The following MARCHF6 variants were observed in gnomAD, a reference collection of about 807,000 sequenced individuals.
MARCHF6 encodes E3 ubiquitin-protein ligase MARCHF6.
A neutral mutation model predicts 133.7 loss-of-function variants in MARCHF6; 31 were observed. The ratio of observed to expected loss-of-function variants is 0.23; its 90% CI spans 0.17 to 0.31. MARCHF6 has a LOEUF of 0.31. Ranked by LOEUF, MARCHF6 falls within the 10% of genes least tolerant of loss-of-function variation. The pLI is 1.00. For missense variants in MARCHF6, 723 were observed against 1,121.6 expected, an observed-to-expected ratio of 0.64 and a Z score of 5.08; for synonymous variants, 395 against 402.5, an observed-to-expected ratio of 0.98 and a Z score of 0.22.
rs893277438 is a variant in MARCHF6 at position 10,353,745 on chromosome 5, C to T, written c.-154C>T. On this transcript the variant is annotated 5_prime_UTR_variant, in exon 1 of 26. Coordinates refer to ENST00000274140, the MANE Select transcript of MARCHF6 (RefSeq NM_005885.4). Reference sequence around the variant, plus strand: ...CGCTCGCTTTCTGTCAGCCTCTCTCCCTCTCCCTCTCCCCTCTCCTTCCTC... The same window carrying T: ...CGCTCGCTTTCTGTCAGCCTCTCTCTCTCTCCCTCTCCCCTCTCCTTCCTC... 1.7e-4 allele frequency: 101 copies of T among 595,240 alleles called. No homozygotes were observed. Among genetic ancestry groups the T allele is most frequent in the Admixed American group, 3.5e-4 (13 of 37,604 alleles). The allele number at this position is 595,240 out of a possible 1,614,324, so 36.9% of individuals were successfully genotyped here.
At chr5:10,388,788 C>T (rs183338097) in intron 5 of MARCHF6, among the ~76,000 whole-genome samples, 16 of 152,246 alleles carry the variant, frequency 1.1e-4, no homozygotes, top group Admixed American at 7.2e-4. Context: ...TGGGCAGCAT[C>T]GCCTCTGTCC....
chr5:10,429,550 C>T (rs922127607), intron 24 of MARCHF6, among the ~76,000 whole-genome samples: 3 of 152,078 alleles, frequency 2.0e-5, no homozygotes, highest in African/African-American at 7.2e-5. Context: ...AGGTGCAACG[C>T]CACCACACCT....
At chr5:10,397,175 G>GA in intron 9 of MARCHF6, 118 bp from the exon 10 acceptor site, 1 of 656,206 alleles carries the variant, frequency 1.5e-6, no homozygotes, top group South Asian at 2.9e-5. Flanking sequence ...ACAATAGAGG[G>GA]AAAATTTCAA....
At chr5:10,408,020 C>T (rs902135376) in intron 17 of MARCHF6, among the ~76,000 whole-genome samples, 9 of 148,174 alleles carry the variant, frequency 6.1e-5, no homozygotes, top group African/African-American at 2.2e-4. Flanking sequence ...ACCACTCATC[C>T]TATATGCTCT....
At chr5:10,362,613 A>G (rs1226580785) in intron 1 of MARCHF6, among the ~76,000 whole-genome samples, 1 of 152,252 alleles carries the variant, frequency 6.6e-6, no homozygotes, top group South Asian at 2.1e-4. Flanking sequence ...TTATTATAAG[A>G]CAATTGGATT....
intron 1 of MARCHF6, among the ~76,000 whole-genome samples, chr5:10,359,707 T>C (rs1735695063): frequency 2.0e-5 from 3 of 152,144 alleles, no homozygotes; most frequent in Admixed American, 2.0e-4. Context: ...TAATACCTAG[T>C]ATAATGTAAT....
chr5:10,401,066 G>A (rs1561130192), intron 11 of MARCHF6: 1 of 481,628 alleles, frequency 2.1e-6, no homozygotes, highest in Non-Finnish European at 3.7e-6. Context: ...AGTCAGCTGG[G>A]TGGGCCTGAG....
At chr5:10,411,909 G>A (rs1739253207) in intron 19 of MARCHF6, among the ~76,000 whole-genome samples, 1 of 152,176 alleles carries the variant, frequency 6.6e-6, no homozygotes, top group East Asian at 1.9e-4. Flanking sequence ...TTATAGCTAA[G>A]GAAACTGAAG....
chr5:10,411,450 C>A lies in MARCHF6; in HGVS notation c.1809C>A (p.Gly603=). The A allele has an allele frequency of 6.2e-7, 1 of 1,614,200 alleles. No homozygotes were observed. The change falls in exon 19 of 26, where the codon GGC becomes GGA. Residue 603 remains glycine (G), a synonymous_variant. Coordinates refer to ENST00000274140, the MANE Select transcript of MARCHF6 (RefSeq NM_005885.4). ...NNNAIPVVGE[G]LHAAHQAILQ... ...ACGCTATTCCTGTGGTGGGAGAAGG[C>A]CTTCATGCAGCCCACCAAGCCATAC...
chr5:10,407,094 T>C lies in MARCHF6; in HGVS notation c.1453-8T>C, dbSNP rs780486241. 1.3e-6 allele frequency: 2 copies of C among 1,557,264 alleles called. No individual in the cohort carries two copies. Among genetic ancestry groups the C allele is most frequent in the Admixed American group, 3.4e-5 (2 of 59,290 alleles). On this transcript the variant is annotated splice_region_variant and splice_polypyrimidine_tract_variant and intron_variant, in intron 16 of 25. Coordinates refer to ENST00000274140, the MANE Select transcript of MARCHF6 (RefSeq NM_005885.4). ...TATAGTGGTGTCATACCCTGTTTCC[T>C]TCTGCAGATTGTCTTTGGCTCCATT...
intron 22 of MARCHF6, among the ~76,000 whole-genome samples, chr5:10,418,351 G>A (rs1739636140): frequency 6.8e-6 from 1 of 148,104 alleles, no homozygotes; most frequent in Non-Finnish European, 1.5e-5. Context: ...CTGCACTCCA[G>A]CCCGGGCGAC....
In MARCHF6 at chr5:10,365,181, A is replaced by C. The variant is rs190849143; in HGVS notation, c.19+11264A>C. 8.5e-5 allele frequency among the ~76,000 whole-genome samples: 13 copies of C among 152,242 alleles called. 1 individual carries two copies. The highest frequency in any genetic ancestry group is 6.5e-4 in the Admixed American group (10 of 15,296). On this transcript the variant is annotated intron_variant, in intron 1 of 25. Transcript: ENST00000274140. Reference sequence around the variant, plus strand: ...AAGCCTAGTTGGCAAGGAGGCCAGAAAGTGCAGTTTTCAGGCTTCCAGGAG... The same window carrying C: ...AAGCCTAGTTGGCAAGGAGGCCAGACAGTGCAGTTTTCAGGCTTCCAGGAG...
At chr5:10,402,483 T>C (rs1300569764) in intron 13 of MARCHF6, 31 bp downstream of exon 13, 1 of 1,612,632 alleles carries the variant, frequency 6.2e-7, no homozygotes, top group Non-Finnish European at 8.5e-7. Context: ...AAATTGGAAA[T>C]GATTTCTCCT....
chr5:10,380,944 G>T (rs1737103514), intron 3 of MARCHF6, among the ~76,000 whole-genome samples: 1 of 149,148 alleles, frequency 6.7e-6, no homozygotes. Flanking sequence ...AAAAAAAAAG[G>T]TGCTATTTGT....
Position 10,437,597 on chromosome 5 carries a change from C to T in MARCHF6, c.*3913C>T, listed in dbSNP as rs1380452618. ...TCATTCCTGTTTTGTACGAGTGCCT[C>T]ATTTTGTAGTCATGAAAGTAACATA... is the stretch of plus-strand genomic sequence containing the variant. On this transcript the variant is annotated 3_prime_UTR_variant, in exon 26 of 26. Coordinates refer to ENST00000274140, the MANE Select transcript of MARCHF6 (RefSeq NM_005885.4). 1 of 152,170 alleles carries T rather than the reference C, an allele frequency of 6.6e-6. No homozygotes were observed. The highest frequency in any genetic ancestry group is 1.9e-4 in the East Asian group (1 of 5,186). 9.4% of individuals were successfully genotyped at this position (152,170 alleles called of 1,614,324 possible). A position where few individuals can be genotyped will look rare whatever the true frequency, so the allele number is the denominator to read the frequency against.
rs370655570 is a variant in MARCHF6, at chr5:10,400,767, T to C, written c.914-17T>C. ...TTTGATGTCGGAGTTTTCATGGAAT[T>C]TTTTCCCCCTTTTTAGCATTTTGCC... On this transcript the variant is annotated splice_polypyrimidine_tract_variant and intron_variant, in intron 10 of 25. Transcript: ENST00000274140. 3.0e-5 allele frequency: 48 copies of C among 1,604,006 alleles called. No individual in the cohort carries two copies. The highest frequency in any genetic ancestry group is 3.9e-5 in the Non-Finnish European group (46 of 1,171,090).
At chr5:10,426,772 C>CA (rs2126350060) in intron 24 of MARCHF6, among the ~76,000 whole-genome samples, 1 of 152,242 alleles carries the variant, frequency 6.6e-6, no homozygotes, top group African/African-American at 2.4e-5. Flanking sequence ...ACATGCTGTA[C>CA]AAAATAGGCA....
At position 10,391,436 on chromosome 5, in the gene MARCHF6, G is replaced by GTTTT. The variant is rs35378319; in HGVS notation, c.577-81_577-78dup. On this transcript the variant is annotated intron_variant, in intron 6 of 25. Coordinates refer to ENST00000274140, the MANE Select transcript of MARCHF6 (RefSeq NM_005885.4). The stretch of plus-strand genomic sequence containing the variant: ...GCATGAGCCACTACACCTGGCCTAG[G>GTTTT]TTTTTTTTTTTTTTTTTTTTTTTTT... 437 of 306,396 alleles carry GTTTT rather than the reference G, an allele frequency of 1.4e-3. 62 individuals are homozygous for GTTTT. Among genetic ancestry groups the GTTTT allele is most frequent in the African/African-American group, 4.9e-3 (126 of 25,732 alleles). 19.0% of individuals were successfully genotyped at this position (306,396 alleles called of 1,614,324 possible).
intron 1 of MARCHF6, among the ~76,000 whole-genome samples, chr5:10,359,481 C>T (rs550529605): frequency 3.9e-5 from 6 of 152,068 alleles, no homozygotes; most frequent in East Asian, 1.9e-4. Flanking sequence ...TAATACAGTA[C>T]GCAATACATA....
Sources: gnomAD v4.1 joint callset for allele counts (sites outside exome capture counted in the v4.1 genomes callset) on GRCh38, gnomAD v4.1.1 for gene constraint, MANE v1.5 for transcripts, NCBI Gene and HGNC (gene_info 2026-07-23, HGNC 2026-07-21) for gene names.